CEP63: variants seen among roughly 807,000 people sequenced by gnomAD.
CEP63 encodes centrosomal protein 63.
Under a neutral mutation model 89.1 loss-of-function variants are expected in CEP63, and 84 were observed. That is an observed-to-expected ratio of 0.94 (90% CI 0.79 to 1.13). The LOEUF (loss-of-function observed/expected upper bound fraction) is 1.13. CEP63 is among the 50% of genes most tolerant of loss of function. CEP63 has a pLI of 0.00. For missense variants in CEP63, 838 were observed against 813.3 expected, an observed-to-expected ratio of 1.03 and a Z score of -0.37; for synonymous variants, 267 against 272.5, an observed-to-expected ratio of 0.98 and a Z score of 0.20.
At chr3:134,685,408 C>T in the CEP63 span, among the ~76,000 whole-genome samples, 1 of 152,192 alleles carries the variant, frequency 6.6e-6, no homozygotes, top group East Asian at 1.9e-4. Flanking sequence ...CATCTCACCC[C>T]TTGTATGGGA....
chr3:134,569,687 A>G (rs1261780248), downstream of CEP63, among the ~76,000 whole-genome samples: 1 of 152,054 alleles, frequency 6.6e-6, no homozygotes, highest in Non-Finnish European at 1.5e-5. Flanking sequence ...CGGTGGATCT[A>G]CCGTTCTGGG....
intron 5 of CEP63, chr3:134,536,081 C>A (rs1950718942): frequency 6.6e-6 from 1 of 151,958 alleles, no homozygotes; most frequent in East Asian, 1.9e-4. Flanking sequence ...TGTAACTTCA[C>A]CCTCATCTCC....
downstream of CEP63, among the ~76,000 whole-genome samples, chr3:134,578,529 C>T (rs2110319774): frequency 6.6e-6 from 1 of 152,132 alleles, no homozygotes; most frequent in South Asian, 2.1e-4. Context: ...GGAGTTTCAC[C>T]ATGTTGACCA....
chr3:134,489,623 G>A (rs1454496163), intron 1 of CEP63, among the ~76,000 whole-genome samples: 1 of 152,092 alleles, frequency 6.6e-6, no homozygotes, highest in Non-Finnish European at 1.5e-5. Context: ...GCAACGTGGT[G>A]ATTATCTAAT....
the CEP63 span, among the ~76,000 whole-genome samples, chr3:134,622,209 A>G: frequency 6.6e-6 from 1 of 152,246 alleles, no homozygotes. Flanking sequence ...TTTCAGTCCA[A>G]GGTACGCAAC....
At chr3:134,744,937 G>A in the CEP63 span, among the ~76,000 whole-genome samples, 2 of 152,184 alleles carry the variant, frequency 1.3e-5, no homozygotes, top group African/African-American at 2.4e-5. Flanking sequence ...ATTGAGGTAT[G>A]AGCACATACA....
At chr3:134,741,314 A>C in the CEP63 span, among the ~76,000 whole-genome samples, 1 of 152,152 alleles carries the variant, frequency 6.6e-6, no homozygotes, top group Non-Finnish European at 1.5e-5. Flanking sequence ...TCAGTTCTTG[A>C]GCATCTGAAG....
the CEP63 span, among the ~76,000 whole-genome samples, chr3:134,769,720 C>CACTGCAGG: frequency 1.3e-5 from 2 of 152,236 alleles, no homozygotes; most frequent in Admixed American, 6.5e-5. Context: ...AAGCTGTATG[C>CACTGCAGG]ACTGCAGGAG....
chr3:134,570,309 T>C (rs565750598), intron 11 of CEP63, among the ~76,000 whole-genome samples: 19 of 152,350 alleles, frequency 1.2e-4, no homozygotes, highest in African/African-American at 4.3e-4. Context: ...TTCCAAACTT[T>C]TATGCTCTGT....
intron 1 of CEP63, among the ~76,000 whole-genome samples, chr3:134,492,926 T>C (rs758571198): frequency 7.9e-5 from 12 of 152,188 alleles, no homozygotes; most frequent in South Asian, 6.2e-4. Context: ...ATAGTATCTG[T>C]CTTTTATGAG....
chr3:134,736,707 C>G, the CEP63 span, among the ~76,000 whole-genome samples: 1 of 152,100 alleles, frequency 6.6e-6, no homozygotes, highest in Admixed American at 6.5e-5. Flanking sequence ...TAGGAAAACT[C>G]AATATCATAA....
In CEP63 at chr3:134,507,146, C is replaced by G. The variant is rs1943665171; in HGVS notation, c.82C>G (p.Leu28Val). 6.2e-7 allele frequency: 1 copy of G among 1,613,302 alleles called. No homozygotes were observed. Among genetic ancestry groups the G allele is most frequent in the East Asian group, 2.2e-5 (1 of 44,782 alleles). The change falls in exon 3 of 15, where the codon CTC becomes GTC. Residue 28 changes from leucine to valine, a missense_variant. Leu to Val is a conservative substitution (Grantham distance 32). Coordinates refer to ENST00000675561, the MANE Select transcript of CEP63 (RefSeq NM_001353108.3). ...LTSCEAELQELMKQIDIMVAH... is the reference protein window; with the variant it reads ...LTSCEAELQEVMKQIDIMVAH... ...ATCTTGTGAAGCAGAACTACAGGAG[C>G]TCATGAAACAGATTGACATAATGGT...
the CEP63 span, among the ~76,000 whole-genome samples, chr3:134,739,023 C>A: frequency 1.3e-5 from 2 of 151,262 alleles, no homozygotes; most frequent in Non-Finnish European, 2.9e-5. Context: ...AGTTTGGAAC[C>A]CTCATACACT....
the CEP63 span, among the ~76,000 whole-genome samples, chr3:134,667,328 G>T: frequency 2.6e-5 from 4 of 152,168 alleles, no homozygotes; most frequent in Non-Finnish European, 5.9e-5. Flanking sequence ...TACAGGAGAG[G>T]AAGGGTGGGG....
chr3:134,772,773 T>C, the CEP63 span, among the ~76,000 whole-genome samples: 1 of 152,006 alleles, frequency 6.6e-6, no homozygotes, highest in African/African-American at 2.4e-5. Flanking sequence ...AGCTTTTCCT[T>C]ATGGAGTTTG....
At chr3:134,737,679 T>C in the CEP63 span, among the ~76,000 whole-genome samples, 1 of 152,214 alleles carries the variant, frequency 6.6e-6, no homozygotes, top group Non-Finnish European at 1.5e-5. Context: ...CTGCTCTACA[T>C]AATGTCTTCT....
chr3:134,647,426 A>G, the CEP63 span: 3 of 1,600,254 alleles, frequency 1.9e-6, no homozygotes, highest in African/African-American at 4.0e-5. Flanking sequence ...AAGGAAAAAG[A>G]GAATTTACCG....
At chr3:134,541,316 G>A (rs1951944745) in intron 6 of CEP63, among the ~76,000 whole-genome samples, 1 of 151,928 alleles carries the variant, frequency 6.6e-6, no homozygotes, top group Non-Finnish European at 1.5e-5. Context: ...TCTTACCTAA[G>A]TCAAATTTCT....
chr3:134,513,624 A>G (rs145952523), intron 3 of CEP63, among the ~76,000 whole-genome samples: 83 of 152,226 alleles, frequency 5.5e-4, no homozygotes, highest in African/African-American at 1.9e-3. Context: ...CCGAGAGGAT[A>G]AAAGGTTGAG....
Sources: allele counts gnomAD v4.1 joint callset (sites outside exome capture counted in the v4.1 genomes callset), GRCh38; gene constraint gnomAD v4.1.1; transcripts MANE v1.5; gene names NCBI Gene and HGNC (gene_info 2026-07-23, HGNC 2026-07-21).